HSD17B12: variants seen among roughly 807,000 people sequenced by gnomAD.
The protein encoded by HSD17B12 is hydroxysteroid 17-beta dehydrogenase 12, also known as very-long-chain 3-oxoacyl-CoA reductase.
HSD17B12 carries 32 observed loss-of-function variants against 39.3 expected under a neutral mutation model. The observed-to-expected ratio is 0.81, with a 90% CI of 0.61 to 1.09. HSD17B12 has a LOEUF of 1.09. Among genes scored for constraint, HSD17B12 ranks in the 50% least tolerant of loss-of-function variants. The pLI is 0.00. For missense variants in HSD17B12, 342 were observed against 382.9 expected (o/e 0.89, Z 0.89); for synonymous variants, 150 against 146.7 (o/e 1.02, Z -0.16).
the HSD17B12 span, among the ~76,000 whole-genome samples, chr11:43,638,831 T>C: frequency 6.6e-6 from 1 of 151,478 alleles, no homozygotes; most frequent in Admixed American, 6.6e-5. Flanking sequence ...GGAAGGGGAC[T>C]GAAGTCCTCT....
At chr11:43,722,641 G>A (rs1383628454) in intron 1 of HSD17B12, among the ~76,000 whole-genome samples, 1 of 151,968 alleles carries the variant, frequency 6.6e-6, no homozygotes, top group African/African-American at 2.4e-5. Context: ...GAGGCCAGGA[G>A]TTAGAGACCA....
At chr11:43,673,666 TG>T in the HSD17B12 span, among the ~76,000 whole-genome samples, 2 of 14,672 alleles carry the variant, frequency 1.4e-4, no homozygotes, top group African/African-American at 2.7e-4. Flanking sequence ...TAGTTTTGTT[TG>T]TTTGTTTGTT....
chr11:43,739,489 G>T (rs979615084), intron 1 of HSD17B12, among the ~76,000 whole-genome samples: 1 of 152,238 alleles, frequency 6.6e-6, no homozygotes, highest in East Asian at 1.9e-4. Context: ...TGTCTGGAAA[G>T]GGATACTGTG....
chr11:43,727,912 T>C (rs1334627080), intron 1 of HSD17B12, among the ~76,000 whole-genome samples: 1 of 152,080 alleles, frequency 6.6e-6, no homozygotes, highest in East Asian at 1.9e-4. Context: ...GTAGGTTTGG[T>C]GCTTTTTTGT....
At chr11:43,607,379 A>G in the HSD17B12 span, among the ~76,000 whole-genome samples, 1 of 152,128 alleles carries the variant, frequency 6.6e-6, no homozygotes, top group Non-Finnish European at 1.5e-5. Context: ...AGTCTCCAAG[A>G]AAAGAAAATA....
chr11:43,608,428 G>A, the HSD17B12 span, among the ~76,000 whole-genome samples: 8 of 151,392 alleles, frequency 5.3e-5, no homozygotes, highest in Non-Finnish European at 5.9e-5. Flanking sequence ...TTTCTTTGGA[G>A]AAAAACTAGA....
At chr11:43,791,318 G>A (rs1472356180) in intron 3 of HSD17B12, among the ~76,000 whole-genome samples, 1 of 152,116 alleles carries the variant, frequency 6.6e-6, no homozygotes, top group African/African-American at 2.4e-5. Flanking sequence ...GATCACCTGA[G>A]GTCAGGAGTT....
Position 43,854,809 on chromosome 11 carries a change from T to C in HSD17B12, c.779T>C (p.Ile260Thr). 6.2e-7 allele frequency: 1 copy of C among 1,614,210 alleles called. No individual in the cohort carries two copies. The highest frequency in any genetic ancestry group is 8.5e-7 in the Non-Finnish European group (1 of 1,180,022). Residue 260 changes from isoleucine to threonine, a missense_variant, in exon 10 of 11, where the codon ATT becomes ACT. Coordinates refer to ENST00000278353, the MANE Select transcript of HSD17B12 (RefSeq NM_016142.3). ...CCGGAGACGTTTGTGAAGTCTGCAA[T>C]TAAAACAGTCGGCCTGCAATCCCGA... is the stretch of plus-strand genomic sequence containing the variant. ...PSPETFVKSA[I>T]KTVGLQSRTN... is the part of the protein sequence containing the mutation.
the HSD17B12 span, among the ~76,000 whole-genome samples, chr11:43,564,965 T>C: frequency 6.6e-6 from 1 of 151,566 alleles, no homozygotes; most frequent in Non-Finnish European, 1.5e-5. Flanking sequence ...AGTGGCACTG[T>C]GTCGGCTGGC....
chr11:43,854,933 G>T, intron 10 of HSD17B12, 69 bp downstream of exon 10: 1 of 1,499,548 alleles, frequency 6.7e-7, no homozygotes, highest in African/African-American at 1.4e-5. Context: ...TGAGTTACAG[G>T]ATAGTATGTA....
chr11:43,852,459 G>GGT (rs747643011), intron 9 of HSD17B12: 1 of 148,392 alleles, frequency 6.7e-6, no homozygotes, highest in South Asian at 2.1e-4. Context: ...CTATATTTGG[G>GGT]TTTTTTTTTT....
chr11:43,602,843 C>G, the HSD17B12 span, among the ~76,000 whole-genome samples: 4 of 151,850 alleles, frequency 2.6e-5, no homozygotes, highest in Admixed American at 2.6e-4. Flanking sequence ...GAATCTGGGC[C>G]TGAGTGTCCC....
the HSD17B12 span, among the ~76,000 whole-genome samples, chr11:43,650,365 G>A: frequency 6.6e-6 from 1 of 152,108 alleles, no homozygotes; most frequent in Non-Finnish European, 1.5e-5. Flanking sequence ...AACATGAAAA[G>A]GTACGCTCAA....
chr11:43,757,700 C>T (rs1305364456), intron 3 of HSD17B12, among the ~76,000 whole-genome samples: 1 of 127,948 alleles, frequency 7.8e-6, no homozygotes, highest in African/African-American at 3.1e-5. Flanking sequence ...ATAAACCAAA[C>T]CAAAAAAAGC....
intron 5 of HSD17B12, among the ~76,000 whole-genome samples, chr11:43,815,714 A>G (rs1371637762): frequency 6.6e-6 from 1 of 152,230 alleles, no homozygotes; most frequent in Non-Finnish European, 1.5e-5. Flanking sequence ...TTAGAAAGAT[A>G]GAATGAGAAA....
intron 4 of HSD17B12, among the ~76,000 whole-genome samples, chr11:43,809,906 C>T (rs1951054532): frequency 6.6e-6 from 1 of 152,170 alleles, no homozygotes. Context: ...TTTATAACCA[C>T]AAATGTTAGT....
the HSD17B12 span, among the ~76,000 whole-genome samples, chr11:43,610,296 C>T: frequency 6.6e-6 from 1 of 152,046 alleles, no homozygotes; most frequent in South Asian, 2.1e-4. Flanking sequence ...TCCTGGAGTC[C>T]GAAACAATGT....
intron 4 of HSD17B12, among the ~76,000 whole-genome samples, chr11:43,805,529 A>G (rs1272203747): frequency 6.6e-6 from 1 of 152,172 alleles, no homozygotes; most frequent in African/African-American, 2.4e-5. Flanking sequence ...TAGAATTATT[A>G]TCCCCTACTC....
the HSD17B12 span, among the ~76,000 whole-genome samples, chr11:43,583,020 C>A: frequency 2.6e-5 from 4 of 152,160 alleles, no homozygotes; most frequent in Non-Finnish European, 5.9e-5. Context: ...GCATAAGAAC[C>A]ACGTTAGATT....
Sources: allele counts gnomAD v4.1 joint callset (sites outside exome capture counted in the v4.1 genomes callset), GRCh38; gene constraint gnomAD v4.1.1; transcripts MANE v1.5; gene names NCBI Gene and HGNC (gene_info 2026-07-23, HGNC 2026-07-21).